The following KSR2 variants were observed in gnomAD, a reference collection of about 807,000 sequenced individuals.
KSR2 encodes the protein kinase suppressor of ras 2.
A neutral mutation model predicts 107.8 loss-of-function variants in KSR2; 25 were observed. The observed-to-expected ratio is 0.23, with a 90% CI of 0.17 to 0.32. The LOEUF is 0.32. Among genes scored for constraint, KSR2 ranks in the 10% least tolerant of loss-of-function variants. KSR2 has a pLI of 1.00. For synonymous variants in KSR2, 480 were observed against 507.0 expected (o/e 0.95, Z 0.71); for missense variants, 887 against 1,268.9 (o/e 0.70, Z 4.57).
intron 6 of KSR2, among the ~76,000 whole-genome samples, chr12:117,581,730 A>G (rs1413113619): frequency 6.6e-6 from 1 of 152,196 alleles, no homozygotes; most frequent in Non-Finnish European, 1.5e-5. Flanking sequence ...AGCCCTGGAG[A>G]GGTTGTCTCA....
chr12:117,921,952 G>A (rs1001216003), intron 1 of KSR2, among the ~76,000 whole-genome samples: 2 of 152,196 alleles, frequency 1.3e-5, no homozygotes, highest in Admixed American at 6.5e-5. Context: ...TTTAGCAAAT[G>A]TATGTTTGTG....
intron 5 of KSR2, among the ~76,000 whole-genome samples, chr12:117,629,003 C>T (rs1241176836): frequency 6.6e-6 from 1 of 152,264 alleles, no homozygotes; most frequent in East Asian, 1.9e-4. Flanking sequence ...ATGGGAGCCA[C>T]CAAGCCAGGC....
chr12:117,765,176 G>A (rs1022210319), intron 3 of KSR2, among the ~76,000 whole-genome samples: 3 of 152,226 alleles, frequency 2.0e-5, no homozygotes, highest in African/African-American at 7.2e-5. Flanking sequence ...GTAAGCTCTG[G>A]ATTGATGTAT....
intron 5 of KSR2, among the ~76,000 whole-genome samples, chr12:117,636,676 T>C (rs1385856513): frequency 6.6e-6 from 1 of 152,216 alleles, no homozygotes; most frequent in East Asian, 1.9e-4. Flanking sequence ...ATTAAGAGCT[T>C]AAATGTGAAA....
At chr12:117,838,022 A>G (rs1892305402) in intron 3 of KSR2, among the ~76,000 whole-genome samples, 2 of 152,218 alleles carry the variant, frequency 1.3e-5, no homozygotes, top group Admixed American at 6.5e-5. Flanking sequence ...ACAGACTCCT[A>G]TATAGGAGTG....
intron 4 of KSR2, among the ~76,000 whole-genome samples, chr12:117,705,005 T>C (rs1358642099): frequency 6.6e-6 from 1 of 152,046 alleles, no homozygotes; most frequent in African/African-American, 2.4e-5. Flanking sequence ...CCACAAATAT[T>C]TATTAAGGGA....
At chr12:117,761,669 G>T (rs143783756) in intron 3 of KSR2, 145 bp from the exon 4 acceptor site, 16 of 767,054 alleles carry the variant, frequency 2.1e-5, no homozygotes, top group Middle Eastern at 3.0e-4. Flanking sequence ...CTGTTACATC[G>T]TATGCATGTT....
intron 1 of KSR2, among the ~76,000 whole-genome samples, chr12:117,912,839 A>G (rs940779361): frequency 1.3e-5 from 2 of 152,196 alleles, no homozygotes; most frequent in Non-Finnish European, 2.9e-5. Flanking sequence ...CCGATGTTGT[A>G]TTTTAGGAAG....
chr12:117,609,755 T>C (rs957521976), intron 5 of KSR2, among the ~76,000 whole-genome samples: 2 of 152,148 alleles, frequency 1.3e-5, no homozygotes, highest in Admixed American at 1.3e-4. Flanking sequence ...ATTCCTCATG[T>C]TGGAGGATGG....
chr12:117,848,419 C>T (rs1008261253), intron 3 of KSR2, among the ~76,000 whole-genome samples: 2 of 152,244 alleles, frequency 1.3e-5, no homozygotes, highest in African/African-American at 4.8e-5. Context: ...CAGTTTCACC[C>T]TAGGACCTCA....
At position 117,742,531 on chromosome 12, in the gene KSR2, G is replaced by GTT. The variant is rs1438289280; in HGVS notation, c.986+18479_986+18480insAA. ...AAATGGATGGATGGATGGATGGATG[G>GTT]GTGGATGGATGGATGGATGGATGAA... On this transcript the variant is annotated intron_variant, in intron 4 of 19. Transcript: ENST00000339824. Among the ~76,000 whole-genome samples the GTT allele has an allele frequency of 4.9e-5, 6 of 121,720 alleles. 1 individual carries two copies. The South Asian group carries it at 1.4e-3, about 28-fold the overall frequency. 79.9% of individuals were successfully genotyped at this position (121,720 alleles called of 152,430 possible).
intron 1 of KSR2, among the ~76,000 whole-genome samples, chr12:117,915,700 T>G (rs558944699): frequency 6.6e-6 from 1 of 152,336 alleles, no homozygotes; most frequent in South Asian, 2.1e-4. Context: ...AGATATATTC[T>G]AAAAATATCA....
At chr12:117,519,743 T>C (rs1398445697) in intron 14 of KSR2, among the ~76,000 whole-genome samples, 1 of 152,008 alleles carries the variant, frequency 6.6e-6, no homozygotes, top group Non-Finnish European at 1.5e-5. Context: ...TGGTGTGTAA[T>C]TTAGCGTATA....
intron 10 of KSR2, among the ~76,000 whole-genome samples, chr12:117,536,999 G>A (rs1876099495): frequency 6.6e-6 from 1 of 152,218 alleles, no homozygotes; most frequent in Admixed American, 6.5e-5. Context: ...GATCACCTGA[G>A]GTCAGGAGTT....
chr12:117,496,507 T>G (rs941762729), intron 14 of KSR2, among the ~76,000 whole-genome samples: 4 of 152,196 alleles, frequency 2.6e-5, no homozygotes, highest in African/African-American at 9.7e-5. Context: ...CCACTTGTAT[T>G]TATATGAATC....
intron 14 of KSR2, among the ~76,000 whole-genome samples, chr12:117,493,708 G>C (rs1872870188): frequency 6.6e-6 from 1 of 152,202 alleles, no homozygotes; most frequent in Non-Finnish European, 1.5e-5. Flanking sequence ...TGGTTTGGCT[G>C]TGTCCCTACC....
chr12:117,744,952 G>A (rs916898294), intron 4 of KSR2, among the ~76,000 whole-genome samples: 1 of 152,146 alleles, frequency 6.6e-6, no homozygotes, highest in African/African-American at 2.4e-5. Flanking sequence ...ATGATTGGCA[G>A]CACTAATTTA....
intron 4 of KSR2, among the ~76,000 whole-genome samples, chr12:117,717,087 A>G (rs1593162867): frequency 6.6e-6 from 1 of 152,240 alleles, no homozygotes; most frequent in African/African-American, 2.4e-5. Flanking sequence ...AGACTCCTGA[A>G]GTTCACCAAA....
chr12:117,618,848 G>A (rs1882018819), intron 5 of KSR2, among the ~76,000 whole-genome samples: 1 of 152,138 alleles, frequency 6.6e-6, no homozygotes, highest in Admixed American at 6.6e-5. Context: ...TCTCGGATAT[G>A]TCTTTATCAG....
Sources: gnomAD v4.1 joint callset for allele counts (sites outside exome capture counted in the v4.1 genomes callset) on GRCh38, gnomAD v4.1.1 for gene constraint, MANE v1.5 for transcripts, NCBI Gene and HGNC (gene_info 2026-07-23, HGNC 2026-07-21) for gene names.